STAG1: variants seen among roughly 807,000 people sequenced by gnomAD.
STAG1 encodes the protein cohesin subunit SA-1.
STAG1 carries 26 observed loss-of-function variants against 170.9 expected under a neutral mutation model. The ratio of observed to expected loss-of-function variants is 0.15; its 90% CI spans 0.11 to 0.21. The LOEUF (loss-of-function observed/expected upper bound fraction) is 0.21, where lower values mean the gene tolerates loss of function less well. STAG1 is among the 10% of genes least tolerant of loss of function. The pLI, the probability that STAG1 is intolerant of heterozygous loss-of-function variation, is 1.00. For missense variants in STAG1, 964 were observed against 1,509.5 expected (o/e 0.64, Z 5.99); for synonymous variants, 514 against 497.7 (o/e 1.03, Z -0.44).
chr3:136,463,091 A>T (rs772139320), intron 13 of STAG1, among the ~76,000 whole-genome samples: 16 of 152,328 alleles, frequency 1.1e-4, no homozygotes, highest in Non-Finnish European at 1.9e-4. Flanking sequence ...GTGACAGACA[A>T]CATCCAAAGA....
At chr3:136,417,208 G>T (rs1264777467) in intron 21 of STAG1, among the ~76,000 whole-genome samples, 3 of 152,076 alleles carry the variant, frequency 2.0e-5, no homozygotes, top group Non-Finnish European at 4.4e-5. Flanking sequence ...CTGCTTTAGA[G>T]TAATAAGGTA....
At chr3:136,751,457 T>C (rs1030697524) in intron 1 of STAG1, among the ~76,000 whole-genome samples, 2 of 151,900 alleles carry the variant, frequency 1.3e-5, no homozygotes, top group South Asian at 2.1e-4. Flanking sequence ...ACAACTTTTA[T>C]TGGCCTCGTC....
chr3:136,351,178 CTTA>C (rs908858327), intron 28 of STAG1, among the ~76,000 whole-genome samples: 3 of 151,442 alleles, frequency 2.0e-5, no homozygotes, highest in African/African-American at 4.9e-5. Context: ...CTCCACTGTG[CTTA>C]TTTTTTTTTT....
chr3:136,509,776 T>C (rs1933953890), intron 7 of STAG1, among the ~76,000 whole-genome samples: 1 of 152,178 alleles, frequency 6.6e-6, no homozygotes, highest in Admixed American at 6.5e-5. Flanking sequence ...TTTTAATCAA[T>C]AACCAACAAT....
chr3:136,376,062 A>AAAAT (rs1560069545), intron 23 of STAG1, among the ~76,000 whole-genome samples: 3 of 151,000 alleles, frequency 2.0e-5, no homozygotes, highest in South Asian at 2.1e-4. Flanking sequence ...AAAATAAAAT[A>AAAAT]AATGGCAGAG....
At chr3:136,661,939 C>T (rs77217092) in intron 1 of STAG1, among the ~76,000 whole-genome samples, 11,772 of 152,216 alleles carry the variant, frequency 0.077, 592 homozygotes, top group Non-Finnish European at 0.11. Flanking sequence ...AATGATCTAA[C>T]TCAGATAGTC....
intron 14 of STAG1, among the ~76,000 whole-genome samples, chr3:136,444,792 G>C (rs1399297385): frequency 6.6e-6 from 1 of 152,048 alleles, no homozygotes; most frequent in African/African-American, 2.4e-5. Context: ...TGTTATCTTG[G>C]CACATTCAGC....
intron 4 of STAG1, among the ~76,000 whole-genome samples, chr3:136,593,435 T>A (rs1322462108): frequency 4.6e-5 from 7 of 152,220 alleles, no homozygotes; most frequent in Non-Finnish European, 1.5e-5. Context: ...AATAAAGACC[T>A]AGAGTTGGCT....
intron 1 of STAG1, among the ~76,000 whole-genome samples, chr3:136,693,759 G>A (rs931559572): frequency 1.1e-4 from 16 of 151,276 alleles, no homozygotes; most frequent in Non-Finnish European, 2.1e-4. Flanking sequence ...TTTAAGAGAC[G>A]GGGTCTCATT....
Position 136,645,037 on chromosome 3 carries a change from T to A in STAG1, c.-83-14056A>T, listed in dbSNP as rs370990244. On this transcript the variant is annotated intron_variant, in intron 1 of 33. Transcript: ENST00000383202. ...GAATCACCATGCCTGGCCTGTCATG[T>A]ACTCTTATTAAACATTAGGCTCTCC... is the stretch of plus-strand genomic sequence containing the variant. 3.4e-4 allele frequency among the ~76,000 whole-genome samples: 52 copies of A among 152,302 alleles called. No homozygotes were observed. The East Asian group carries it at 0.01, about 29-fold the overall frequency.
chr3:136,607,341 T>C (rs1939007517), intron 3 of STAG1, among the ~76,000 whole-genome samples: 1 of 152,218 alleles, frequency 6.6e-6, no homozygotes, highest in South Asian at 2.1e-4. Context: ...TTCAATCATT[T>C]ATATCAGTAT....
chr3:136,343,709 C>T (rs1260886288), intron 30 of STAG1, 123 bp downstream of exon 30: 3 of 631,812 alleles, frequency 4.7e-6, no homozygotes, highest in Non-Finnish European at 7.4e-6. Flanking sequence ...AGTGTTTACC[C>T]TCCGTTTGTG....
intron 1 of STAG1, among the ~76,000 whole-genome samples, chr3:136,735,802 G>A (rs1041842631): frequency 3.9e-5 from 6 of 152,126 alleles, no homozygotes; most frequent in Admixed American, 2.0e-4. Context: ...GTGGTGGGAG[G>A]TATAAAAATT....
At chr3:136,662,453 T>TA (rs1941613375) in intron 1 of STAG1, among the ~76,000 whole-genome samples, 1 of 151,996 alleles carries the variant, frequency 6.6e-6, no homozygotes, top group Non-Finnish European at 1.5e-5. Flanking sequence ...TGCCTGGCCT[T>TA]AGACTCTTTG....
At chr3:136,426,162 C>G (rs986057110) in intron 16 of STAG1, among the ~76,000 whole-genome samples, 1 of 151,500 alleles carries the variant, frequency 6.6e-6, no homozygotes. Flanking sequence ...AATCCCAGCA[C>G]TTTGGGAGGC....
chr3:136,378,728 A>G (rs1314636047), intron 22 of STAG1, among the ~76,000 whole-genome samples: 1 of 152,208 alleles, frequency 6.6e-6, no homozygotes, highest in East Asian at 1.9e-4. Flanking sequence ...AGGGCTTACT[A>G]TTATATAGTT....
intron 21 of STAG1, among the ~76,000 whole-genome samples, chr3:136,402,658 C>A (rs901201828): frequency 6.6e-6 from 1 of 150,614 alleles, no homozygotes; most frequent in Non-Finnish European, 1.5e-5. Flanking sequence ...TGGTGAAACC[C>A]CGTCTCTACT....
intron 6 of STAG1, among the ~76,000 whole-genome samples, chr3:136,539,287 T>A (rs1935782782): frequency 6.6e-6 from 1 of 152,206 alleles, no homozygotes; most frequent in Non-Finnish European, 1.5e-5. Context: ...TTTATACTTA[T>A]TAATGATGTT....
At chr3:136,749,339 T>C (rs1002024397) in intron 1 of STAG1, among the ~76,000 whole-genome samples, 3 of 152,198 alleles carry the variant, frequency 2.0e-5, no homozygotes, top group South Asian at 2.1e-4. Context: ...TTGTGAACTA[T>C]GTGGCCACAC....
Sources: gnomAD v4.1 joint callset for allele counts (sites outside exome capture counted in the v4.1 genomes callset) on GRCh38, gnomAD v4.1.1 for gene constraint, MANE v1.5 for transcripts, NCBI Gene and HGNC (gene_info 2026-07-23, HGNC 2026-07-21) for gene names.